Variants in EWSR1 observed in about 807,000 individuals in gnomAD.
The protein encoded by EWSR1 is EWS RNA binding protein 1.
In EWSR1, 14 loss-of-function variants were observed where a neutral mutation model predicts 92.1. The ratio of observed to expected loss-of-function variants is 0.15; its 90% CI spans 0.10 to 0.24. EWSR1 has a LOEUF of 0.24. Ranked by LOEUF, EWSR1 falls within the 10% of genes least tolerant of loss-of-function variation. The pLI, the probability that EWSR1 is intolerant of heterozygous loss-of-function variation, is 1.00. For synonymous variants in EWSR1, 303 were observed against 292.9 expected, an observed-to-expected ratio of 1.03 and a Z score of -0.35; for missense variants, 637 against 870.9, an observed-to-expected ratio of 0.73 and a Z score of 3.38.
At position 29,292,498 on chromosome 22, in the gene EWSR1, A is replaced by C; in HGVS notation, c.1056A>C (p.Val352=). 2 of 1,611,260 alleles carry C rather than the reference A, an allele frequency of 1.2e-6. No individual in the cohort carries two copies. The highest frequency in any genetic ancestry group is 1.7e-6 in the Non-Finnish European group (2 of 1,177,756). ...EGPDLDLGPP[V]DPDEDSDNSA... Reference sequence around the variant, plus strand: ...TGTTGTCTCTGAAAGGCCCACCTGTAGATCCAGATGAAGACTCTGACAACA... The same window carrying C: ...TGTTGTCTCTGAAAGGCCCACCTGTCGATCCAGATGAAGACTCTGACAACA... The change falls in exon 11 of 17, where the codon GTA becomes GTC. Residue 352 remains valine (V), a synonymous_variant. Coordinates refer to ENST00000397938, the MANE Select transcript of EWSR1 (RefSeq NM_005243.4).
At chr22:29,288,462 A>G (rs560584635) in intron 7 of EWSR1, 144 bp from the exon 8 acceptor site, 11 of 679,720 alleles carry the variant, frequency 1.6e-5, no homozygotes, top group African/African-American at 1.5e-4. Context: ...GAGCCTACCT[A>G]TTAAGGATGC....
chr22:29,270,954 TAA>T (rs2058630648), intron 1 of EWSR1, among the ~76,000 whole-genome samples: 1 of 152,190 alleles, frequency 6.6e-6, no homozygotes. Context: ...GGTTTTGAGT[TAA>T]GAGTGTGTAC....
Position 29,272,270 on chromosome 22 carries a change from A to T in EWSR1, c.50+18A>T, listed in dbSNP as rs1281912922. On this transcript the variant is annotated intron_variant, in intron 2 of 16. Transcript: ENST00000397938. ...CAGCAGGGGTAAGTCAGTCTTTTATAACCGTATTTTGTGTGTGATTAATAT... is the reference window on the plus strand; with the variant it reads ...CAGCAGGGGTAAGTCAGTCTTTTATTACCGTATTTTGTGTGTGATTAATAT... 8.1e-6 allele frequency: 13 copies of T among 1,613,870 alleles called. No individual in the cohort carries two copies. The highest frequency in any genetic ancestry group is 1.0e-5 in the Non-Finnish European group (12 of 1,179,868).
At chr22:29,270,674 A>G (rs2058602942) in intron 1 of EWSR1, among the ~76,000 whole-genome samples, 1 of 152,202 alleles carries the variant, frequency 6.6e-6, no homozygotes. Flanking sequence ...CGTCTTGCAA[A>G]CGTTGAACTT....
chr22:29,291,662 C>T, intron 9 of EWSR1, 63 bp downstream of exon 9: 2 of 1,473,096 alleles, frequency 1.4e-6, no homozygotes, highest in Non-Finnish European at 1.9e-6. Flanking sequence ...TTTTAGAAAA[C>T]TATAATTTTT....
At chr22:29,286,852 A>G in intron 6 of EWSR1, 71 bp from the exon 7 acceptor site, 1 of 1,192,976 alleles carries the variant, frequency 8.4e-7, no homozygotes, top group South Asian at 1.3e-5. Context: ...TGTCTCTTTT[A>G]TTCAGGGGAT....
At chr22:29,278,584 G>A (rs979069480) in intron 5 of EWSR1, among the ~76,000 whole-genome samples, 7 of 152,142 alleles carry the variant, frequency 4.6e-5, no homozygotes, top group African/African-American at 1.7e-4. Flanking sequence ...CAGCACTTTG[G>A]GAGGCCGAGG....
In EWSR1 at chr22:29,286,905, C is replaced by A. The variant is rs764611244; in HGVS notation, c.582-18C>A. 3.5e-6 allele frequency: 5 copies of A among 1,431,950 alleles called. No individual in the cohort carries two copies. Among genetic ancestry groups the A allele is most frequent in the East Asian group, 2.4e-5 (1 of 41,224 alleles). The allele number at this position is 1,431,950 out of a possible 1,614,324, so 88.7% of individuals were successfully genotyped here. A position where few individuals can be genotyped will look rare whatever the true frequency, so the allele number is the denominator to read the frequency against. On this transcript the variant is annotated intron_variant, in intron 6 of 16. Coordinates refer to ENST00000397938, the MANE Select transcript of EWSR1 (RefSeq NM_005243.4). The stretch of plus-strand genomic sequence containing the variant: ...TTTCTAAAAAAGCTTTTTTTTTTTT[C>A]TCTTCTCTCTCTTTCAGCTATTCCT...
chr22:29,268,670 G>A (rs1276600296), intron 1 of EWSR1, among the ~76,000 whole-genome samples: 1 of 152,224 alleles, frequency 6.6e-6, no homozygotes, highest in Non-Finnish European at 1.5e-5. Flanking sequence ...GGGGCCTGCG[G>A]CCTTCGAGGC....
intron 5 of EWSR1, among the ~76,000 whole-genome samples, chr22:29,279,228 C>A (rs114578072): frequency 6.6e-6 from 1 of 151,856 alleles, no homozygotes; most frequent in Non-Finnish European, 1.5e-5. Flanking sequence ...TTTCATTGAC[C>A]CTGTAAATGG....
chr22:29,284,872 T>C (rs2059901419), intron 6 of EWSR1, among the ~76,000 whole-genome samples: 1 of 151,264 alleles, frequency 6.6e-6, no homozygotes, highest in Non-Finnish European at 1.5e-5. Context: ...TAGGCTGGAG[T>C]GCAATGGTGC....
chr22:29,268,278 G>T lies in EWSR1; in HGVS notation c.-59G>T. Reference sequence around the variant, plus strand: ...GAGATTTGCGCCTGCGCAGTGCGGCGCCTAGAGGGAAAGCGAGAGGGAGAC... The same window carrying T: ...GAGATTTGCGCCTGCGCAGTGCGGCTCCTAGAGGGAAAGCGAGAGGGAGAC... On this transcript the variant is annotated 5_prime_UTR_variant, in exon 1 of 17. Coordinates refer to ENST00000397938, the MANE Select transcript of EWSR1 (RefSeq NM_005243.4). The T allele has an allele frequency of 1.3e-6, 2 of 1,599,940 alleles. No individual in the cohort carries two copies. The highest frequency in any genetic ancestry group is 2.2e-5 in the East Asian group (1 of 44,812).
intron 6 of EWSR1, 139 bp from the exon 7 acceptor site, chr22:29,286,784 T>C (rs929079907): frequency 4.8e-6 from 3 of 620,856 alleles, no homozygotes; most frequent in Non-Finnish European, 8.4e-6. Flanking sequence ...GAAATTCAAA[T>C]TGTTGATGTG....
chr22:29,278,686 A>G (rs1325366800), intron 5 of EWSR1, among the ~76,000 whole-genome samples: 1 of 152,100 alleles, frequency 6.6e-6, no homozygotes, highest in Admixed American at 6.6e-5. Context: ...TTAGCCGGGC[A>G]TGGTGGTGGG....
rs564325903 is a variant in EWSR1 at position 29,299,756 on chromosome 22, A to G, written c.1836A>G (p.Gly612=). 1 of 1,607,978 alleles carries G rather than the reference A, an allele frequency of 6.2e-7. No homozygotes were observed. ...GCATGGACCGAGGTGGCTTTGGTGG[A>G]GGAAGACGAGGTGGCCCTGGGGGGC... ...GRGMDRGGFG[G]GRRGGPGGPP... Residue 612 remains glycine (G), a synonymous_variant, in exon 16 of 17, where the codon GGA becomes GGG. Coordinates refer to ENST00000397938, the MANE Select transcript of EWSR1 (RefSeq NM_005243.4).
chr22:29,273,347 A>G (rs1280507710), intron 3 of EWSR1, among the ~76,000 whole-genome samples: 3 of 152,152 alleles, frequency 2.0e-5, no homozygotes, highest in East Asian at 1.9e-4. Flanking sequence ...TTTGTTTCCA[A>G]TCACTAAAAC....
At chr22:29,268,493 G>C in intron 1 of EWSR1, 144 bp downstream of exon 1, 1 of 1,470,132 alleles carries the variant, frequency 6.8e-7, no homozygotes, top group Admixed American at 1.7e-5. Context: ...CGAGCTCGGG[G>C]ATCCGCATTC....
chr22:29,277,984 A>G, intron 4 of EWSR1, 46 bp from the exon 5 acceptor site: 1 of 1,564,906 alleles, frequency 6.4e-7, no homozygotes. Context: ...GTCTAGGCAG[A>G]TCTCTGAGGG....
At chr22:29,268,682 C>T (rs1435382168) in intron 1 of EWSR1, among the ~76,000 whole-genome samples, 1 of 152,240 alleles carries the variant, frequency 6.6e-6, no homozygotes, top group South Asian at 2.1e-4. Context: ...CTTCGAGGCC[C>T]TGCGTGAAGG....
Sources: gnomAD v4.1 joint callset for allele counts (sites outside exome capture counted in the v4.1 genomes callset) on GRCh38, gnomAD v4.1.1 for gene constraint, MANE v1.5 for transcripts, NCBI Gene and HGNC (gene_info 2026-07-23, HGNC 2026-07-21) for gene names.